SPSB4: variants seen among roughly 807,000 people sequenced by gnomAD.
SPSB4 encodes splA/ryanodine receptor domain and SOCS box containing 4, also known as SPRY domain-containing SOCS box protein 4.
In SPSB4, 21 loss-of-function variants were observed where a neutral mutation model predicts 20.9. That is an observed-to-expected ratio of 1.01 (90% CI 0.71 to 1.45). The LOEUF is 1.45. Ranked by LOEUF, SPSB4 falls within the 40% of genes most tolerant of loss-of-function variation. The probability of loss-of-function intolerance (pLI) is 0.00; values close to 1 mark genes in which losing one functional copy is unlikely to be tolerated. For synonymous variants in SPSB4, 207 were observed against 183.8 expected, an observed-to-expected ratio of 1.13 and a Z score of -1.02; for missense variants, 399 against 399.2, an observed-to-expected ratio of 1.00 and a Z score of 0.00.
At position 141,147,313 on chromosome 3, in the gene SPSB4, G is replaced by T. The variant is rs574458113; in HGVS notation, c.*44G>T. The T allele has an allele frequency of 6.2e-7, 1 of 1,609,658 alleles. No homozygotes were observed. The highest frequency in any genetic ancestry group is 1.1e-5 in the South Asian group (1 of 90,704). ...CACAGACACAGACACACACCGCAGGGCCCGACCCTCCTGTCATTCACAGTC... is the reference window on the plus strand; with the variant it reads ...CACAGACACAGACACACACCGCAGGTCCCGACCCTCCTGTCATTCACAGTC... On this transcript the variant is annotated 3_prime_UTR_variant, in exon 3 of 3. Transcript: ENST00000310546.
At chr3:141,089,486 T>C (rs553701964) in intron 2 of SPSB4, among the ~76,000 whole-genome samples, 103 of 152,172 alleles carry the variant, frequency 6.8e-4, no homozygotes, top group Non-Finnish European at 1.2e-3. Flanking sequence ...GAGTAGAGCC[T>C]GGAGGAGAAG....
At chr3:141,134,049 C>CTTTTTTTTTTTTTTTTTTTTTTTTTTTTT (rs1939184001) in intron 2 of SPSB4, among the ~76,000 whole-genome samples, 6 of 63,894 alleles carry the variant, frequency 9.4e-5, no homozygotes, top group African/African-American at 1.3e-4. Context: ...TTTTTTTTTT[C>CTTTTTTTTTTTTTTTTTTTTTTTTTTTTT]TTTTTTCTTT....
intron 2 of SPSB4, among the ~76,000 whole-genome samples, chr3:141,076,002 T>A (rs1488582957): frequency 6.6e-6 from 1 of 151,488 alleles, no homozygotes; most frequent in Non-Finnish European, 1.5e-5. Context: ...GAGGTTGCAG[T>A]GAGCTGAGAT....
At chr3:141,093,020 T>C (rs1036645195) in intron 2 of SPSB4, among the ~76,000 whole-genome samples, 8 of 152,096 alleles carry the variant, frequency 5.3e-5, no homozygotes, top group African/African-American at 1.9e-4. Flanking sequence ...TGGCCTGCAG[T>C]ACAGGCTTCA....
intron 2 of SPSB4, among the ~76,000 whole-genome samples, chr3:141,106,572 G>T (rs1938692500): frequency 6.6e-6 from 1 of 152,228 alleles, no homozygotes; most frequent in South Asian, 2.1e-4. Context: ...GAAGTAGTTT[G>T]TTAGTTGTAT....
intron 2 of SPSB4, among the ~76,000 whole-genome samples, chr3:141,072,787 A>T (rs1291270313): frequency 6.6e-6 from 1 of 152,224 alleles, no homozygotes. Context: ...CGTATGGTGA[A>T]ATAACCCCTC....
In SPSB4 at chr3:141,084,775, G is replaced by A. The variant is rs1938310455; in HGVS notation, c.694+17977G>A. ...GCTTTTCTGCACTACGGCAGCTGCT[G>A]GAGCTTCTATAGCTCAGAATGTCTG... On this transcript the variant is annotated intron_variant, in intron 2 of 2. Coordinates refer to ENST00000310546, the MANE Select transcript of SPSB4 (RefSeq NM_080862.3). Among the ~76,000 whole-genome samples the A allele has an allele frequency of 2.0e-5, 3 of 152,306 alleles. No individual in the cohort carries two copies. In the East Asian group the frequency reaches 5.8e-4, roughly 29 times the overall value.
intron 2 of SPSB4, among the ~76,000 whole-genome samples, chr3:141,120,176 T>C (rs62283597): frequency 0.16 from 24,825 of 152,168 alleles, 2,840 homozygotes; most frequent in African/African-American, 0.32. Flanking sequence ...TTTATTTACC[T>C]ATTAGTCATT....
Position 141,088,269 on chromosome 3 carries a change from C to T in SPSB4, c.694+21471C>T, listed in dbSNP as rs567951596. On this transcript the variant is annotated intron_variant, in intron 2 of 2. Transcript: ENST00000310546. ...AAAGGGCGCACAGTTAAATGTACTG[C>T]GTACATCCATGCTACAAAGAATAAT... Among the ~76,000 whole-genome samples the T allele has an allele frequency of 9.2e-5, 14 of 152,326 alleles. 1 individual carries two copies. The South Asian group carries it at 2.7e-3, about 29-fold the overall frequency.
At chr3:141,091,061 G>A (rs76917777) in intron 2 of SPSB4, among the ~76,000 whole-genome samples, 354 of 152,378 alleles carry the variant, frequency 2.3e-3, no homozygotes, top group African/African-American at 8.2e-3. Flanking sequence ...GGGCAAGACT[G>A]TGGGTTGGGG....
intron 2 of SPSB4, among the ~76,000 whole-genome samples, chr3:141,116,751 C>T (rs539986351): frequency 6.6e-6 from 1 of 152,296 alleles, no homozygotes; most frequent in African/African-American, 2.4e-5. Flanking sequence ...ATGTAAGCTA[C>T]AACTTACTAC....
At chr3:141,091,471 AC>A (rs1938448622) in intron 2 of SPSB4, among the ~76,000 whole-genome samples, 1 of 152,198 alleles carries the variant, frequency 6.6e-6, no homozygotes, top group Non-Finnish European at 1.5e-5. Flanking sequence ...GTGCTTTTCA[AC>A]TTTTGAATCT....
At chr3:141,111,750 C>T (rs1013456421) in intron 2 of SPSB4, among the ~76,000 whole-genome samples, 3 of 152,040 alleles carry the variant, frequency 2.0e-5, no homozygotes, top group Admixed American at 1.3e-4. Context: ...TTTGGGTCCT[C>T]GGAAAAAGAC....
intron 2 of SPSB4, among the ~76,000 whole-genome samples, chr3:141,094,169 G>A (rs73872053): frequency 0.045 from 6,805 of 152,226 alleles, 359 homozygotes; most frequent in East Asian, 0.15. Context: ...CTGACACTGC[G>A]TATGTCCACC....
rs145303951 is a variant in SPSB4 at position 141,142,546 on chromosome 3, T to C, written c.695-4596T>C. On this transcript the variant is annotated intron_variant, in intron 2 of 2. Transcript: ENST00000310546. Reference sequence around the variant, plus strand: ...TGTTGGGTAGAATGTTCTGTAAATATTTGTTAAGTCCATTTGTTCTAGGGT... The same window carrying C: ...TGTTGGGTAGAATGTTCTGTAAATACTTGTTAAGTCCATTTGTTCTAGGGT... 2.7e-3 allele frequency among the ~76,000 whole-genome samples: 412 copies of C among 152,260 alleles called. 2 individuals carry two copies. The highest frequency in any genetic ancestry group is 4.9e-3 in the Non-Finnish European group (335 of 68,028).
intron 2 of SPSB4, among the ~76,000 whole-genome samples, chr3:141,099,296 TG>T (rs1013039506): frequency 3.9e-5 from 6 of 152,042 alleles, no homozygotes; most frequent in Non-Finnish European, 2.9e-5. Context: ...GCCATTCTCC[TG>T]CCTCAGCCTC....
intron 2 of SPSB4, among the ~76,000 whole-genome samples, chr3:141,091,342 A>G (rs1005356247): frequency 6.6e-6 from 1 of 152,206 alleles, no homozygotes; most frequent in Non-Finnish European, 1.5e-5. Context: ...GAGCATTGTC[A>G]TGGAGATTAG....
In SPSB4 at chr3:141,066,543, A is replaced by T; in HGVS notation, c.439A>T (p.Ser147Cys). ...AESWGWDLGR[S>C]RLYHDGKNQP... Reference sequence around the variant, plus strand: ...GTCGTGGGGCTGGGACCTGGGCCGCAGCCGCCTCTACCACGACGGCAAGAA... The same window carrying T: ...GTCGTGGGGCTGGGACCTGGGCCGCTGCCGCCTCTACCACGACGGCAAGAA... Residue 147 changes from serine (S) to cysteine (C), a missense_variant, in exon 2 of 3, where the codon AGC becomes TGC. By Grantham distance (112) the Ser-to-Cys change is moderately radical. Transcript: ENST00000310546. The T allele has an allele frequency of 6.6e-7, 1 of 1,517,906 alleles. No individual in the cohort carries two copies. Among genetic ancestry groups the T allele is most frequent in the Non-Finnish European group, 8.8e-7 (1 of 1,131,714 alleles). The allele number at this position is 1,517,906 out of a possible 1,614,324, so 94.0% of individuals were successfully genotyped here.
intron 2 of SPSB4, among the ~76,000 whole-genome samples, chr3:141,100,147 T>G (rs1356234700): frequency 6.6e-6 from 1 of 152,212 alleles, no homozygotes; most frequent in Non-Finnish European, 1.5e-5. Flanking sequence ...CTGTGCCCTA[T>G]TCTTCCCTGG....
Sources: gnomAD v4.1 joint callset for allele counts (sites outside exome capture counted in the v4.1 genomes callset) on GRCh38, gnomAD v4.1.1 for gene constraint, MANE v1.5 for transcripts, NCBI Gene and HGNC (gene_info 2026-07-23, HGNC 2026-07-21) for gene names.